ZNF106: variants seen among roughly 807,000 people sequenced by gnomAD.
The protein encoded by ZNF106 is SH3-domain binding protein 3.
Under a neutral mutation model 195.1 loss-of-function variants are expected in ZNF106, and 67 were observed. The observed-to-expected ratio is 0.34, with a 90% confidence interval of 0.28 to 0.42. The LOEUF is 0.42. Ranked by LOEUF, ZNF106 falls within the 10% of genes least tolerant of loss-of-function variation. The pLI is 1.00. For synonymous variants in ZNF106, 784 were observed against 818.6 expected, an observed-to-expected ratio of 0.96 and a Z score of 0.72; for missense variants, 2,118 against 2,304.5, an observed-to-expected ratio of 0.92 and a Z score of 1.66.
chr15:42,439,452 C>CT lies in ZNF106; in HGVS notation c.4124dup (p.Lys1376GlufsTer16). On this transcript the variant is annotated frameshift_variant, in exon 11 of 22. Coordinates refer to ENST00000564754, the MANE Select transcript of ZNF106 (RefSeq NM_001366845.3). LOFTEE classifies it high-confidence loss of function. ...GACTTTTCTTCTTCCGGAGTTTCTT[C>CT]TTTTTCTTGCTTCCCCTAGTCTCAG... 1 of 1,613,254 alleles carries CT rather than the reference C, an allele frequency of 6.2e-7. No homozygotes were observed. Among genetic ancestry groups the CT allele is most frequent in the Non-Finnish European group, 8.5e-7 (1 of 1,179,840 alleles).
chr15:42,444,655 G>GT (rs1460702396), intron 8 of ZNF106, among the ~76,000 whole-genome samples, 172 bp downstream of exon 8: 2 of 152,172 alleles, frequency 1.3e-5, no homozygotes, highest in Admixed American at 6.5e-5. Flanking sequence ...CTGGCATTTA[G>GT]TGCTTCTTTC....
chr15:42,424,401 T>C (rs2054778735), intron 16 of ZNF106: 1 of 298,452 alleles, frequency 3.4e-6, no homozygotes, highest in African/African-American at 2.2e-5. Context: ...AAGAAAAGGT[T>C]TGCAATCTCC....
At chr15:42,432,545 T>A (rs2055088948) in intron 14 of ZNF106, among the ~76,000 whole-genome samples, 1 of 152,194 alleles carries the variant, frequency 6.6e-6, no homozygotes, top group African/African-American at 2.4e-5. Context: ...TTCTTATTCT[T>A]TTACTTTCAA....
chr15:42,490,789 G>A (rs1374772126), intron 1 of ZNF106, among the ~76,000 whole-genome samples, 191 bp downstream of exon 1: 1 of 152,178 alleles, frequency 6.6e-6, no homozygotes, highest in East Asian at 1.9e-4. Flanking sequence ...GTACCCCGAA[G>A]CCAGCAGCAC....
chr15:42,473,131 G>A (rs900268354), intron 1 of ZNF106, among the ~76,000 whole-genome samples: 1 of 152,070 alleles, frequency 6.6e-6, no homozygotes, highest in African/African-American at 2.4e-5. Context: ...TCAACATGAT[G>A]CTCAAAGGAA....
In ZNF106 at chr15:42,450,315, G is replaced by A. The variant is rs1186725179; in HGVS notation, c.1957C>T (p.Arg653Cys). ...RTADEKEEDD[R>C]ILKTSRELST... ...AGCTCTCTAGAAGTCTTCAGGATGC[G>A]GTCATCCTCCTCTTTCTCATCAGCA... Residue 653 changes from arginine to cysteine, a missense_variant, in exon 5 of 22, where the codon CGC (arginine) becomes TGC (cysteine). By Grantham distance (180) the Arg-to-Cys change is radical. Transcript: ENST00000564754. 3.1e-6 allele frequency: 5 copies of A among 1,613,982 alleles called. No individual in the cohort carries two copies. Among genetic ancestry groups the A allele is most frequent in the African/African-American group, 2.7e-5 (2 of 74,896 alleles).
Position 42,442,087 on chromosome 15 carries a change from A to G in ZNF106, c.3749T>C (p.Leu1250Ser). Residue 1250 changes from leucine (L) to serine (S), a missense_variant, in exon 10 of 22, where the codon TTA (leucine) becomes TCA (serine). Physicochemically the swap from Leu to Ser is moderately radical, Grantham distance 145. Transcript: ENST00000564754. ...PSSACNVSKE[L>S]LEANREISDS... Reference sequence around the variant, plus strand: ...AGCTTACATACTATTAGCTTCCAGTAATTCCTTGGACACATTGCAGGCAGA... The same window carrying G: ...AGCTTACATACTATTAGCTTCCAGTGATTCCTTGGACACATTGCAGGCAGA... 6.2e-7 allele frequency: 1 copy of G among 1,609,800 alleles called. No homozygotes were observed. Among genetic ancestry groups the G allele is most frequent in the Admixed American group, 1.7e-5 (1 of 59,368 alleles).
At chr15:42,449,004 GCAAA>G (rs2055879739) in intron 5 of ZNF106, among the ~76,000 whole-genome samples, 1 of 149,662 alleles carries the variant, frequency 6.7e-6, no homozygotes. Flanking sequence ...ATTTTTAAAA[GCAAA>G]CAAACCAAAA....
chr15:42,444,120 A>G (rs1332650508), intron 9 of ZNF106, 82 bp downstream of exon 9: 1 of 852,718 alleles, frequency 1.2e-6, no homozygotes, highest in African/African-American at 1.8e-5. Context: ...TCCAAAAAAA[A>G]AAAAAAAAAA....
In ZNF106 at chr15:42,417,405, A is replaced by G. The variant is rs533788533; in HGVS notation, c.5665-45T>C. On this transcript the variant is annotated intron_variant, in intron 21 of 21. Transcript: ENST00000564754. ...GGCCCATGAGAGAGAAGTCGATAGT[A>G]AGACAGGAGAAAGTCAAAGCCAAGG... The G allele has an allele frequency of 2.9e-5, 47 of 1,609,446 alleles. No homozygotes were observed. The Middle Eastern group carries it at 1.2e-3, about 40-fold the overall frequency.
At chr15:42,473,411 T>C (rs1159155241) in intron 1 of ZNF106, among the ~76,000 whole-genome samples, 1 of 152,212 alleles carries the variant, frequency 6.6e-6, no homozygotes, top group Non-Finnish European at 1.5e-5. Flanking sequence ...CCTCCCGTTC[T>C]TCCTCTATCA....
At chr15:42,418,884 T>C (rs1662721630) in intron 20 of ZNF106, among the ~76,000 whole-genome samples, 1 of 152,044 alleles carries the variant, frequency 6.6e-6, no homozygotes, top group Admixed American at 6.5e-5. Flanking sequence ...ATTTTACTTA[T>C]AAACGTGGCT....
At chr15:42,457,519 T>TG (rs2056268943) in intron 3 of ZNF106, 1 of 1,122,400 alleles carries the variant, frequency 8.9e-7, no homozygotes, top group African/African-American at 1.6e-5. Flanking sequence ...ACACCCATGG[T>TG]GCCAGCTGCA....
At chr15:42,448,796 T>C (rs2055870631) in intron 5 of ZNF106, 91 bp from the exon 6 acceptor site, 1 of 1,376,364 alleles carries the variant, frequency 7.3e-7, no homozygotes, top group African/African-American at 1.4e-5. Flanking sequence ...TCTCAAGCAC[T>C]GAGGTTATAA....
At chr15:42,428,222 T>A in intron 14 of ZNF106, 88 bp from the exon 15 acceptor site, 2 of 1,037,000 alleles carry the variant, frequency 1.9e-6, no homozygotes, top group Non-Finnish European at 2.9e-6. Context: ...GACTTTAAAA[T>A]GACTCTTATG....
At chr15:42,435,348 A>G (rs754903546) in intron 14 of ZNF106, 36 bp downstream of exon 14, 11 of 1,613,772 alleles carry the variant, frequency 6.8e-6, no homozygotes, top group South Asian at 6.6e-5. Context: ...AGGCGACTCA[A>G]TATGAACCAC....
intron 4 of ZNF106, among the ~76,000 whole-genome samples, chr15:42,455,952 C>T (rs903904766): frequency 3.3e-5 from 5 of 151,942 alleles, no homozygotes; most frequent in African/African-American, 1.2e-4. Context: ...ACTCTTTAGA[C>T]CAGAAAGCAG....
At chr15:42,427,305 A>C (rs2054894474) in intron 15 of ZNF106, among the ~76,000 whole-genome samples, 1 of 152,204 alleles carries the variant, frequency 6.6e-6, no homozygotes, top group Admixed American at 6.5e-5. Flanking sequence ...CATGTCTCTC[A>C]TACTTTACAG....
chr15:42,424,811 C>T (rs767100046), intron 16 of ZNF106, 23 bp downstream of exon 16: 8 of 1,601,216 alleles, frequency 5.0e-6, no homozygotes, highest in African/African-American at 1.3e-5. Context: ...CAGACAACTC[C>T]GATTCTCTTG....
Sources: gnomAD v4.1 joint callset for allele counts (sites outside exome capture counted in the v4.1 genomes callset) on GRCh38, gnomAD v4.1.1 for gene constraint, MANE v1.5 for transcripts, NCBI Gene and HGNC (gene_info 2026-07-23, HGNC 2026-07-21) for gene names.